RBFOX1: variants seen among roughly 807,000 people sequenced by gnomAD.
RBFOX1 encodes RNA binding protein fox-1 homolog 1.
Under a neutral mutation model 57.7 loss-of-function variants are expected in RBFOX1, and 8 were observed. The observed-to-expected ratio is 0.14, with a 90% CI of 0.08 to 0.25. The LOEUF (loss-of-function observed/expected upper bound fraction) is 0.25. RBFOX1 is among the 10% of genes least tolerant of loss of function. The pLI, the probability that RBFOX1 is intolerant of heterozygous loss-of-function variation, is 1.00. For missense variants in RBFOX1, 611 were observed against 548.5 expected, an observed-to-expected ratio of 1.11 and a Z score of -1.14; for synonymous variants, 326 against 222.4, an observed-to-expected ratio of 1.47 and a Z score of -4.15.
rs528619832 is a variant in RBFOX1 at position 6,973,146 on chromosome 16, A to G, written c.-15-78911A>G. 6.1e-3 allele frequency among the ~76,000 whole-genome samples: 912 copies of G among 150,498 alleles called. 4 individuals are homozygous for G. Among genetic ancestry groups the G allele is most frequent in the Non-Finnish European group, 9.5e-3 (641 of 67,548 alleles). ...ACTCCATTGTCTAAATAAATTAAAA[A>G]TTTAAAAATAGAGACAAGGCCATCA... On this transcript the variant is annotated intron_variant, in intron 3 of 15. Transcript: ENST00000550418.
At chr16:7,258,831 T>A (rs2153056720) in intron 4 of RBFOX1, among the ~76,000 whole-genome samples, 1 of 152,292 alleles carries the variant, frequency 6.6e-6, no homozygotes, top group African/African-American at 2.4e-5. Context: ...GCTTTGAATT[T>A]ACAAGTAAGA....
At chr16:5,896,797 A>T (rs574171374) in intron 4 of RBFOX1, among the ~76,000 whole-genome samples, 26 of 152,252 alleles carry the variant, frequency 1.7e-4, no homozygotes, top group Non-Finnish European at 3.4e-4. Context: ...AGTATGTGGC[A>T]TCCAGTGTTC....
chr16:7,197,010 A>T (rs1031965072), intron 4 of RBFOX1, among the ~76,000 whole-genome samples: 1 of 151,932 alleles, frequency 6.6e-6, no homozygotes, highest in African/African-American at 2.4e-5. Flanking sequence ...AGTTTAAAAG[A>T]CTCCATTTCG....
At chr16:5,899,743 G>A (rs981551672) in intron 4 of RBFOX1, among the ~76,000 whole-genome samples, 3 of 152,192 alleles carry the variant, frequency 2.0e-5, no homozygotes, top group Non-Finnish European at 2.9e-5. Flanking sequence ...TCCATCCACA[G>A]ATTCACCTGA....
chr16:5,811,207 A>G (rs2055417477), intron 3 of RBFOX1, among the ~76,000 whole-genome samples: 1 of 129,328 alleles, frequency 7.7e-6, no homozygotes, highest in Non-Finnish European at 1.5e-5. Flanking sequence ...CAATGGTGCG[A>G]TCTCGGCTCA....
intron 2 of RBFOX1, among the ~76,000 whole-genome samples, chr16:6,514,759 G>T (rs142311986): frequency 1.6e-4 from 24 of 151,954 alleles, no homozygotes; most frequent in Non-Finnish European, 3.1e-4. Context: ...ATTGTAATAA[G>T]GAGGAAGGGG....
chr16:5,585,736 G>T (rs556525129), intron 2 of RBFOX1, among the ~76,000 whole-genome samples: 1 of 152,350 alleles, frequency 6.6e-6, no homozygotes, highest in African/African-American at 2.4e-5. Context: ...GTAGACCTGG[G>T]TTTACCATCT....
chr16:6,646,027 T>G (rs757277194), intron 2 of RBFOX1, among the ~76,000 whole-genome samples: 29 of 152,040 alleles, frequency 1.9e-4, no homozygotes, highest in Non-Finnish European at 3.5e-4. Context: ...CTACAAAAAG[T>G]AGAAGGGCTG....
chr16:7,088,976 G>C (rs59494349), intron 4 of RBFOX1, among the ~76,000 whole-genome samples: 48,564 of 152,080 alleles, frequency 0.32, 8,724 homozygotes, highest in East Asian at 0.54. Flanking sequence ...TGCTGTAAAG[G>C]AAGAAGGCCT....
intron 5 of RBFOX1, among the ~76,000 whole-genome samples, chr16:7,538,772 C>A (rs577944716): frequency 3.3e-5 from 5 of 152,258 alleles, no homozygotes; most frequent in African/African-American, 1.2e-4. Flanking sequence ...CCACTTGGAA[C>A]TGGGGAGTAA....
rs920182062 is a variant in RBFOX1, at chr16:7,199,051, G to A, written c.27+146953G>A. On this transcript the variant is annotated intron_variant, in intron 4 of 15. Transcript: ENST00000550418. ...TGAGTTTCAGTTCCAAGGGACAAGG[G>A]AAGTAAGAATATCATCACCACAGGT... Among the ~76,000 whole-genome samples, 7 of 152,178 alleles carry A rather than the reference G, an allele frequency of 4.6e-5. No individual in the cohort carries two copies. In the South Asian group the frequency reaches 8.3e-4, roughly 18 times the overall value.
chr16:5,745,428 C>G (rs1003118253), intron 3 of RBFOX1, among the ~76,000 whole-genome samples: 2 of 152,168 alleles, frequency 1.3e-5, no homozygotes, highest in Admixed American at 1.3e-4. Context: ...TTTATAGCAG[C>G]ATGATTTACA....
At chr16:6,290,947 T>A (rs1039593159) in intron 1 of RBFOX1, among the ~76,000 whole-genome samples, 1 of 152,120 alleles carries the variant, frequency 6.6e-6, no homozygotes, top group African/African-American at 2.4e-5. Context: ...AGAGAGAGCA[T>A]CCCCAAGGGC....
At chr16:6,901,693 G>C (rs970074757) in intron 3 of RBFOX1, among the ~76,000 whole-genome samples, 24 of 152,220 alleles carry the variant, frequency 1.6e-4, no homozygotes, top group African/African-American at 5.8e-4. Flanking sequence ...TGTTTCTGCA[G>C]AGATAATTTG....
At chr16:6,020,353 G>C (rs1326399777) in intron 1 of RBFOX1, among the ~76,000 whole-genome samples, 1 of 152,092 alleles carries the variant, frequency 6.6e-6, no homozygotes, top group Non-Finnish European at 1.5e-5. Flanking sequence ...CTCCCTGGCC[G>C]GCTGCAAGCG....
At chr16:6,722,376 G>A (rs192595795) in intron 3 of RBFOX1, among the ~76,000 whole-genome samples, 1 of 152,184 alleles carries the variant, frequency 6.6e-6, no homozygotes, top group African/African-American at 2.4e-5. Flanking sequence ...TGAGGAGGTT[G>A]CTCTAAGTCA....
chr16:6,028,634 T>C (rs1478217350), intron 1 of RBFOX1, among the ~76,000 whole-genome samples: 1 of 152,014 alleles, frequency 6.6e-6, no homozygotes, highest in Non-Finnish European at 1.5e-5. Context: ...TGAGCTGTAA[T>C]TGTGCCACTG....
intron 10 of RBFOX1, among the ~76,000 whole-genome samples, chr16:7,615,952 C>T (rs1271919761): frequency 6.6e-6 from 1 of 152,160 alleles, no homozygotes; most frequent in African/African-American, 2.4e-5. Context: ...TGGTTGCTAC[C>T]ACTAATAATG....
intron 2 of RBFOX1, among the ~76,000 whole-genome samples, chr16:5,570,710 C>T (rs557018386): frequency 3.9e-5 from 6 of 151,958 alleles, no homozygotes; most frequent in South Asian, 4.2e-4. Flanking sequence ...CTTGTTGGTG[C>T]GCACCTGTAA....
Sources: gnomAD v4.1 joint callset for allele counts (sites outside exome capture counted in the v4.1 genomes callset) on GRCh38, gnomAD v4.1.1 for gene constraint, MANE v1.5 for transcripts, NCBI Gene and HGNC (gene_info 2026-07-23, HGNC 2026-07-21) for gene names.